METTL15: variants seen among roughly 807,000 people sequenced by gnomAD.
METTL15 encodes the protein methyltransferase 15, mitochondrial 12S rRNA N4-cytidine.
METTL15 carries 34 observed loss-of-function variants against 38.3 expected under a neutral mutation model. The observed-to-expected ratio is 0.89, with a 90% CI of 0.68 to 1.18. The LOEUF is 1.18. Among genes scored for constraint, METTL15 ranks in the 50% most tolerant of loss-of-function variants. METTL15 has a pLI of 0.00. For missense variants in METTL15, 438 were observed against 498.4 expected (o/e 0.88, Z 1.15); for synonymous variants, 162 against 170.9 (o/e 0.95, Z 0.41).
At chr11:28,137,710 A>G (rs1378457938) in intron 3 of METTL15, among the ~76,000 whole-genome samples, 1 of 152,082 alleles carries the variant, frequency 6.6e-6, no homozygotes, top group Non-Finnish European at 1.5e-5. Flanking sequence ...AGACATTTGT[A>G]TTTTACCATT....
At chr11:28,430,275 TG>T (rs1284667488) in intron 6 of METTL15, among the ~76,000 whole-genome samples, 1 of 97,018 alleles carries the variant, frequency 1.0e-5, no homozygotes, top group Non-Finnish European at 2.2e-5. Flanking sequence ...GGGAGGGAGG[TG>T]GGGGGTCAGC....
chr11:28,159,373 A>G (rs180784350), intron 3 of METTL15, among the ~76,000 whole-genome samples: 1 of 152,114 alleles, frequency 6.6e-6, no homozygotes, highest in East Asian at 1.9e-4. Flanking sequence ...ATGGGAAATT[A>G]TAGCAGCCCA....
chr11:28,475,336 T>C lies in METTL15; in HGVS notation c.*424+50972T>C, dbSNP rs563725726. ...ACCAGCTTGGTGGTGTGAAGTCACT[T>C]CTTTTTCTTTTTTAATATTCAGGTA... On this transcript the variant is annotated intron_variant and NMD_transcript_variant, in intron 6 of 7. Transcript: ENST00000532947. Among the ~76,000 whole-genome samples the C allele has an allele frequency of 2.0e-5, 3 of 150,844 alleles. No homozygotes were observed. In the South Asian group the frequency reaches 6.4e-4, roughly 32 times the overall value.
intron 3 of METTL15, among the ~76,000 whole-genome samples, chr11:28,130,565 G>A (rs375137712): frequency 1.3e-5 from 2 of 152,176 alleles, no homozygotes; most frequent in South Asian, 2.1e-4. Context: ...TCAAATTTCA[G>A]TTAGAATACG....
At chr11:28,388,801 A>G (rs902872013) in intron 5 of METTL15, among the ~76,000 whole-genome samples, 2 of 152,054 alleles carry the variant, frequency 1.3e-5, no homozygotes, top group Non-Finnish European at 2.9e-5. Flanking sequence ...GTTTAACATT[A>G]GGTATATCTC....
chr11:28,443,464 A>G (rs1851051592), intron 6 of METTL15, among the ~76,000 whole-genome samples: 1 of 152,070 alleles, frequency 6.6e-6, no homozygotes, highest in Non-Finnish European at 1.5e-5. Flanking sequence ...ATCTCCAAGT[A>G]GACAGTTCCC....
chr11:28,305,204 G>A (rs1857040563), intron 6 of METTL15, among the ~76,000 whole-genome samples: 1 of 152,028 alleles, frequency 6.6e-6, no homozygotes, highest in Non-Finnish European at 1.5e-5. Flanking sequence ...GAAGGGAATG[G>A]AATGTGGAAA....
chr11:28,369,837 G>A (rs1450468492), intron 5 of METTL15, among the ~76,000 whole-genome samples: 3 of 152,122 alleles, frequency 2.0e-5, no homozygotes, highest in Non-Finnish European at 4.4e-5. Flanking sequence ...CAAGGCATAA[G>A]AGAAAAGTAA....
At chr11:28,372,004 G>GTATTA (rs1564909572) in intron 5 of METTL15, among the ~76,000 whole-genome samples, 5 of 151,654 alleles carry the variant, frequency 3.3e-5, no homozygotes, top group Non-Finnish European at 5.9e-5. Flanking sequence ...AACTTTTCTA[G>GTATTA]TGAGAACTTA....
At chr11:28,505,093 G>A (rs1176529975) in intron 6 of METTL15, among the ~76,000 whole-genome samples, 1 of 152,210 alleles carries the variant, frequency 6.6e-6, no homozygotes, top group African/African-American at 2.4e-5. Flanking sequence ...GACCTGGTGG[G>A]AAGCTGGCTG....
intron 3 of METTL15, among the ~76,000 whole-genome samples, chr11:28,143,745 A>G (rs1007075658): frequency 6.6e-6 from 1 of 152,198 alleles, no homozygotes; most frequent in Non-Finnish European, 1.5e-5. Flanking sequence ...ATCAGCATGT[A>G]AGTAAAAACT....
At chr11:28,301,413 T>G (rs917198870) in intron 6 of METTL15, among the ~76,000 whole-genome samples, 1 of 152,168 alleles carries the variant, frequency 6.6e-6, no homozygotes, top group Non-Finnish European at 1.5e-5. Context: ...ACCATTGCAC[T>G]GCATTCCCTT....
intron 6 of METTL15, among the ~76,000 whole-genome samples, chr11:28,309,965 T>C (rs1033818807): frequency 1.3e-5 from 2 of 152,180 alleles, no homozygotes; most frequent in Non-Finnish European, 2.9e-5. Flanking sequence ...ACGTCTACTT[T>C]TTCCACTCAG....
At chr11:28,461,615 A>C (rs985662210) in intron 6 of METTL15, among the ~76,000 whole-genome samples, 5 of 152,102 alleles carry the variant, frequency 3.3e-5, no homozygotes, top group African/African-American at 1.2e-4. Flanking sequence ...GTGATGTGTC[A>C]GTGGAAAAGG....
intron 4 of METTL15, among the ~76,000 whole-genome samples, chr11:28,258,894 G>A (rs939005811): frequency 6.6e-6 from 1 of 152,102 alleles, no homozygotes; most frequent in Non-Finnish European, 1.5e-5. Flanking sequence ...TGTACCTAAG[G>A]TGCAAGACAA....
intron 6 of METTL15, among the ~76,000 whole-genome samples, chr11:28,316,418 C>T (rs1857483233): frequency 6.6e-6 from 1 of 152,180 alleles, no homozygotes. Context: ...CCTATACTCC[C>T]ATTGCAACTA....
At chr11:28,346,183 C>A (rs1049543035) in intron 3 of METTL15, among the ~76,000 whole-genome samples, 1 of 152,002 alleles carries the variant, frequency 6.6e-6, no homozygotes, top group African/African-American at 2.4e-5. Flanking sequence ...AGTTTTTTAC[C>A]CAATTAAATG....
intron 4 of METTL15, among the ~76,000 whole-genome samples, chr11:28,249,453 A>G (rs114693696): frequency 0.033 from 5,026 of 152,082 alleles, 282 homozygotes; most frequent in African/African-American, 0.11. Flanking sequence ...CCGATACTAT[A>G]TTATAATATG....
At chr11:28,417,672 A>G (rs561195774) in intron 5 of METTL15, among the ~76,000 whole-genome samples, 4 of 152,164 alleles carry the variant, frequency 2.6e-5, no homozygotes, top group Non-Finnish European at 5.9e-5. Flanking sequence ...TGGCAGATTT[A>G]TCTACCTAAT....
Sources: gnomAD v4.1 joint callset for allele counts (sites outside exome capture counted in the v4.1 genomes callset) on GRCh38, gnomAD v4.1.1 for gene constraint, MANE v1.5 for transcripts, NCBI Gene and HGNC (gene_info 2026-07-23, HGNC 2026-07-21) for gene names.